Variants in GRM5 observed in about 807,000 individuals in gnomAD.
GRM5 encodes glutamate metabotropic receptor 5.
In GRM5, 19 loss-of-function variants were observed where a neutral mutation model predicts 83.1. The ratio of observed to expected loss-of-function variants is 0.23; its 90% CI spans 0.16 to 0.34. The LOEUF is 0.34. Ranked by LOEUF, GRM5 falls within the 10% of genes least tolerant of loss-of-function variation. GRM5 has a pLI of 1.00. For synonymous variants in GRM5, 675 were observed against 633.6 expected (o/e 1.07, Z -0.98); for missense variants, 1,160 against 1,588.3 (o/e 0.73, Z 4.58).
intron 9 of GRM5, among the ~76,000 whole-genome samples, chr11:88,516,612 A>C (rs1295199918): frequency 6.6e-6 from 1 of 152,194 alleles, no homozygotes; most frequent in Non-Finnish European, 1.5e-5. Flanking sequence ...AATCTGATGT[A>C]CGAAGGGGAT....
At chr11:88,827,588 C>G (rs990809187) in intron 3 of GRM5, among the ~76,000 whole-genome samples, 1 of 152,200 alleles carries the variant, frequency 6.6e-6, no homozygotes, top group Admixed American at 6.5e-5. Flanking sequence ...AAACTACTCA[C>G]TTGGTTGGTT....
At chr11:88,825,940 A>G (rs1225887067) in intron 3 of GRM5, among the ~76,000 whole-genome samples, 3 of 152,244 alleles carry the variant, frequency 2.0e-5, no homozygotes, top group Non-Finnish European at 4.4e-5. Flanking sequence ...TGTTCTAAGT[A>G]AGAAATAAAA....
At chr11:88,711,622 T>A (rs1941281828) in intron 3 of GRM5, among the ~76,000 whole-genome samples, 1 of 152,100 alleles carries the variant, frequency 6.6e-6, no homozygotes, top group Admixed American at 6.6e-5. Flanking sequence ...CATCTCTCAG[T>A]TTCTTCATCT....
chr11:88,683,617 C>T (rs185625793), intron 3 of GRM5, among the ~76,000 whole-genome samples: 2 of 152,216 alleles, frequency 1.3e-5, no homozygotes, highest in East Asian at 1.9e-4. Flanking sequence ...ATTAGTTTAC[C>T]ATATAAATTA....
At chr11:88,825,429 G>A (rs1241975765) in intron 3 of GRM5, among the ~76,000 whole-genome samples, 1 of 152,058 alleles carries the variant, frequency 6.6e-6, no homozygotes, top group Non-Finnish European at 1.5e-5. Context: ...AAATACCAGA[G>A]ACAGTCTTTA....
At chr11:88,570,550 A>AATATATATATATATATATAT (rs199551301) in intron 7 of GRM5, among the ~76,000 whole-genome samples, 100 of 71,882 alleles carry the variant, frequency 1.4e-3, no homozygotes, top group African/African-American at 1.7e-3. Flanking sequence ...AAGTATTAAT[A>AATATATATATATATATATAT]ATATATATAT....
intron 8 of GRM5, 105 bp downstream of exon 8, chr11:88,566,948 A>G (rs983741618): frequency 8.4e-6 from 6 of 717,676 alleles, no homozygotes; most frequent in African/African-American, 7.1e-5. Flanking sequence ...CCTGCCTCAC[A>G]TGGTTTCATT....
At chr11:88,763,667 TA>T (rs528711732) in intron 3 of GRM5, among the ~76,000 whole-genome samples, 3 of 151,918 alleles carry the variant, frequency 2.0e-5, no homozygotes, top group African/African-American at 7.2e-5. Context: ...TTATTAAAGT[TA>T]AACAGGTATA....
intron 1 of GRM5, among the ~76,000 whole-genome samples, chr11:89,054,718 GGA>G (rs61496034): frequency 0.13 from 19,211 of 152,014 alleles, 1,573 homozygotes; most frequent in African/African-American, 0.24. Context: ...TGTGAAGTGA[GGA>G]GAGAGAAGCA....
chr11:89,018,044 T>C (rs1591051816), intron 2 of GRM5, among the ~76,000 whole-genome samples: 1 of 152,114 alleles, frequency 6.6e-6, no homozygotes, highest in African/African-American at 2.4e-5. Context: ...TCCTCATCTA[T>C]AAAATAGGAT....
chr11:88,687,571 A>ATG (rs67868877), intron 3 of GRM5, among the ~76,000 whole-genome samples: 1 of 27,598 alleles, frequency 3.6e-5, no homozygotes, highest in Non-Finnish European at 5.7e-5. Context: ...TTATATATAT[A>ATG]TATATATAAT....
chr11:88,752,411 C>G (rs1468168829), intron 3 of GRM5, among the ~76,000 whole-genome samples: 1 of 152,148 alleles, frequency 6.6e-6, no homozygotes, highest in Non-Finnish European at 1.5e-5. Context: ...TGAAGGACCT[C>G]TTCAAGGAGA....
intron 3 of GRM5, among the ~76,000 whole-genome samples, chr11:88,849,254 A>G (rs1264861900): frequency 1.7e-4 from 26 of 152,068 alleles, no homozygotes; most frequent in Non-Finnish European, 3.4e-4. Context: ...TTATATATGT[A>G]TATACTTTTG....
At chr11:88,802,719 C>A (rs1943421981) in intron 3 of GRM5, among the ~76,000 whole-genome samples, 1 of 150,902 alleles carries the variant, frequency 6.6e-6, no homozygotes, top group South Asian at 2.1e-4. Context: ...AAAGGGTATT[C>A]AATTAGGAAA....
chr11:88,594,379 C>A lies in GRM5; in HGVS notation c.1563+2805G>T, dbSNP rs376129229. ...AAGGACCAAATTGTAAATATTTAGG[C>A]TTTGGGCCATACAGTCTCTATTGCA... On this transcript the variant is annotated intron_variant, in intron 6 of 9. Transcript: ENST00000305447. Among the ~76,000 whole-genome samples, 38 of 152,248 alleles carry A rather than the reference C, an allele frequency of 2.5e-4. 1 individual carries two copies. Among genetic ancestry groups the A allele is most frequent in the African/African-American group, 8.9e-4 (37 of 41,538 alleles).
Position 88,624,750 on chromosome 11 carries a change from C to CT in GRM5, c.1148-19787dup, listed in dbSNP as rs564871546. ...ATTGCAGAAAATTTGCTATGTGCTT[C>CT]TTAGACAATCAATTAAAACATATGT... On this transcript the variant is annotated intron_variant, in intron 4 of 9. Coordinates refer to ENST00000305447, the MANE Select transcript of GRM5 (RefSeq NM_001143831.3). Among the ~76,000 whole-genome samples the CT allele has an allele frequency of 4.6e-5, 7 of 152,202 alleles. No individual in the cohort carries two copies. In the South Asian group the frequency reaches 1.5e-3, roughly 32 times the overall value.
intron 7 of GRM5, among the ~76,000 whole-genome samples, chr11:88,579,640 T>G (rs1333603646): frequency 6.6e-6 from 1 of 152,176 alleles, no homozygotes; most frequent in Non-Finnish European, 1.5e-5. Context: ...CTTTCTGACC[T>G]TTTAATGGAA....
intron 3 of GRM5, among the ~76,000 whole-genome samples, chr11:88,837,726 C>T (rs1382091612): frequency 6.6e-6 from 1 of 152,122 alleles, no homozygotes; most frequent in African/African-American, 2.4e-5. Context: ...TACAGCACCT[C>T]CCACGTCAAC....
intron 8 of GRM5, among the ~76,000 whole-genome samples, chr11:88,558,643 A>C (rs1942681541): frequency 6.6e-6 from 1 of 151,754 alleles, no homozygotes; most frequent in Non-Finnish European, 1.5e-5. Flanking sequence ...CTCTTCTAAA[A>C]ATCCAAAAAT....
Sources: allele counts gnomAD v4.1 joint callset (sites outside exome capture counted in the v4.1 genomes callset), GRCh38; gene constraint gnomAD v4.1.1; transcripts MANE v1.5; gene names NCBI Gene and HGNC (gene_info 2026-07-23, HGNC 2026-07-21).